KIAA0930: variants seen among roughly 807,000 people sequenced by gnomAD.
KIAA0930 encodes uncharacterized protein KIAA0930.
In KIAA0930, 24 loss-of-function variants were observed where a neutral mutation model predicts 43.9. The ratio of observed to expected loss-of-function variants is 0.55; its 90% CI spans 0.40 to 0.77. The LOEUF (loss-of-function observed/expected upper bound fraction) is 0.77. Among genes scored for constraint, KIAA0930 ranks in the 30% least tolerant of loss-of-function variants. The pLI, the probability that KIAA0930 is intolerant of heterozygous loss-of-function variation, is 0.00. For synonymous variants in KIAA0930, 259 were observed against 216.4 expected (o/e 1.20, Z -1.73); for missense variants, 461 against 574.2 (o/e 0.80, Z 2.02).
intron 2 of KIAA0930, among the ~76,000 whole-genome samples, chr22:45,208,330 A>T: frequency 9.5e-6 from 1 of 105,464 alleles, no homozygotes; most frequent in Non-Finnish European, 2.3e-5. Context: ...GACTCCACAC[A>T]CATGAGCTGT....
At chr22:45,220,284 C>G (rs12162945) in intron 1 of KIAA0930, among the ~76,000 whole-genome samples, 101,023 of 151,586 alleles carry the variant, frequency 0.67, 33,662 homozygotes, top group South Asian at 0.79. Flanking sequence ...AAAACCCCGT[C>G]TCTACTAAAA....
At chr22:45,236,502 G>C (rs1430059878) in intron 1 of KIAA0930, among the ~76,000 whole-genome samples, 1 of 152,122 alleles carries the variant, frequency 6.6e-6, no homozygotes, top group Non-Finnish European at 1.5e-5. Context: ...GGCCACGCTG[G>C]TGGCTCCATT....
chr22:45,209,903 G>A (rs1296940396), intron 2 of KIAA0930, among the ~76,000 whole-genome samples: 2 of 152,106 alleles, frequency 1.3e-5, no homozygotes, highest in Non-Finnish European at 2.9e-5. Flanking sequence ...CATCCCCTCT[G>A]CTCCAAATTC....
At chr22:45,229,633 C>A (rs751805247) in intron 1 of KIAA0930, among the ~76,000 whole-genome samples, 50 of 152,344 alleles carry the variant, frequency 3.3e-4, no homozygotes, top group South Asian at 8.3e-4. Flanking sequence ...CAAGGGCCCC[C>A]CTCTCCGCCA....
chr22:45,197,698 GA>G, intron 9 of KIAA0930, 91 bp downstream of exon 9: 1 of 1,380,818 alleles, frequency 7.2e-7, no homozygotes, highest in Admixed American at 1.7e-5. Context: ...GACAGGGCGG[GA>G]TGACTCCGGG....
chr22:45,206,701 A>ATTTTTTTTT (rs55641702), intron 2 of KIAA0930, among the ~76,000 whole-genome samples: 1 of 146,218 alleles, frequency 6.8e-6, no homozygotes, highest in Non-Finnish European at 1.5e-5. Flanking sequence ...CTGGCTTCCA[A>ATTTTTTTTT]TTTTTTTTTT....
chr22:45,202,208 A>G (rs2083594957), intron 7 of KIAA0930, among the ~76,000 whole-genome samples: 1 of 152,376 alleles, frequency 6.6e-6, no homozygotes, highest in African/African-American at 2.4e-5. Context: ...TCCAAGAACT[A>G]CAGCTCTGGG....
intron 1 of KIAA0930, among the ~76,000 whole-genome samples, chr22:45,229,601 G>A (rs1022628724): frequency 2.6e-5 from 4 of 152,306 alleles, no homozygotes; most frequent in Admixed American, 2.6e-4. Context: ...GTCAGGAAGA[G>A]GCCACAGAAG....
intron 1 of KIAA0930, among the ~76,000 whole-genome samples, chr22:45,234,882 T>TA (rs1569086273): frequency 2.0e-5 from 3 of 152,164 alleles, no homozygotes; most frequent in African/African-American, 4.8e-5. Context: ...AGTACTCTTT[T>TA]AAAAACCTCT....
chr22:45,227,971 C>CA (rs143851138), intron 1 of KIAA0930, among the ~76,000 whole-genome samples: 3,005 of 152,290 alleles, frequency 0.02, 93 homozygotes, highest in African/African-American at 0.068. Flanking sequence ...TAGACCCCTA[C>CA]ACCCCTGGTA....
intron 1 of KIAA0930, among the ~76,000 whole-genome samples, chr22:45,230,830 T>C (rs529099235): frequency 1.3e-5 from 2 of 151,308 alleles, no homozygotes; most frequent in Non-Finnish European, 2.9e-5. Context: ...TCCACCCACC[T>C]TGGCCTCCCA....
intron 2 of KIAA0930, among the ~76,000 whole-genome samples, chr22:45,210,856 AC>A (rs2083687558): frequency 1.4e-5 from 1 of 72,558 alleles, no homozygotes; most frequent in Admixed American, 1.4e-4. Flanking sequence ...CAAGGCCGCC[AC>A]CCCTCCCTGG....
rs375248430 is a variant in KIAA0930 at position 45,203,860 on chromosome 22, C to T, written c.642G>A (p.Lys214=). The change falls in exon 6 of 10, where the codon AAG becomes AAA. Residue 214 remains lysine, a synonymous_variant. Transcript: ENST00000336156. The part of the protein sequence containing the change: ...QGSIRYEALK[K]VYDNRVSVAA... ...CCGCACTCACCCGGTTGTCATACAC[C>T]TTCTTGAGCGCCTCGTAGCGGATGG... 97 of 1,613,918 alleles carry T rather than the reference C, an allele frequency of 6.0e-5. No homozygotes were observed. The highest frequency in any genetic ancestry group is 8.1e-5 in the Non-Finnish European group (96 of 1,179,942).
At chr22:45,226,250 T>A (rs984199711) in intron 1 of KIAA0930, 1 of 471,040 alleles carries the variant, frequency 2.1e-6, no homozygotes, top group South Asian at 1.5e-5. Flanking sequence ...CCAGGCCACA[T>A]GTGTGACCAC....
At chr22:45,226,468 G>T (rs952659219) in intron 1 of KIAA0930, 3 of 387,276 alleles carry the variant, frequency 7.7e-6, no homozygotes, top group Admixed American at 6.6e-5. Flanking sequence ...CTCCCATAAA[G>T]CATCCTTTAT....
Position 45,205,839 on chromosome 22 carries a change from T to G in KIAA0930, c.290A>C (p.Asp97Ala), listed in dbSNP as rs201036768. 3 of 1,583,784 alleles carry G rather than the reference T, an allele frequency of 1.9e-6. No homozygotes were observed. The highest frequency in any genetic ancestry group is 1.4e-5 in the African/African-American group (1 of 72,346). The change falls in exon 3 of 10, where the codon GAC becomes GCC. Residue 97 changes from aspartate (D) to alanine (A), a missense_variant. By Grantham distance (126) the Asp-to-Ala change is moderately radical. Coordinates refer to ENST00000336156, the MANE Select transcript of KIAA0930 (RefSeq NM_001009880.2). ...SKKLPGLGDP[D>A]IDWEESVCLN... ...GCAGACGCTCTCCTCCCAGTCGATG[T>G]CAGGGTCTCCCAGGCCTGGCAGCTT...
intron 7 of KIAA0930, among the ~76,000 whole-genome samples, chr22:45,201,489 C>A (rs1184264836): frequency 6.6e-6 from 1 of 152,280 alleles, no homozygotes; most frequent in South Asian, 2.1e-4. Context: ...CTGGAGGTGG[C>A]ACCCGGGTTT....
At chr22:45,208,070 T>A (rs1180044718) in intron 2 of KIAA0930, among the ~76,000 whole-genome samples, 1 of 152,044 alleles carries the variant, frequency 6.6e-6, no homozygotes, top group Non-Finnish European at 1.5e-5. Context: ...AGGTTCCCCA[T>A]CAGAAAGGTG....
At chr22:45,239,067 C>T (rs1442334048) in intron 1 of KIAA0930, among the ~76,000 whole-genome samples, 1 of 152,208 alleles carries the variant, frequency 6.6e-6, no homozygotes, top group Non-Finnish European at 1.5e-5. Flanking sequence ...CTGGGAATGG[C>T]CCTGCAGCCT....
Sources: gnomAD v4.1 joint callset for allele counts (sites outside exome capture counted in the v4.1 genomes callset) on GRCh38, gnomAD v4.1.1 for gene constraint, MANE v1.5 for transcripts, NCBI Gene and HGNC (gene_info 2026-07-23, HGNC 2026-07-21) for gene names.